Variants in FAM83G observed in about 807,000 individuals in gnomAD.
FAM83G encodes protein FAM83G.
A neutral mutation model predicts 61.5 loss-of-function variants in FAM83G; 38 were observed. The ratio of observed to expected loss-of-function variants is 0.62; its 90% CI spans 0.48 to 0.81. The LOEUF (loss-of-function observed/expected upper bound fraction) is 0.81. FAM83G is among the 30% of genes least tolerant of loss of function. The pLI is 0.00. For missense variants in FAM83G, 989 were observed against 1,133.6 expected, an observed-to-expected ratio of 0.87 and a Z score of 1.83; for synonymous variants, 470 against 476.1, an observed-to-expected ratio of 0.99 and a Z score of 0.17.
intron 2 of FAM83G, among the ~76,000 whole-genome samples, chr17:18,989,038 G>A (rs1436258255): frequency 6.6e-6 from 1 of 152,254 alleles, no homozygotes; most frequent in East Asian, 1.9e-4. Context: ...TGACTGTCAG[G>A]CTTCTCTCAC....
At chr17:18,974,634 A>G (rs923558385) in intron 5 of FAM83G, among the ~76,000 whole-genome samples, 8 of 152,230 alleles carry the variant, frequency 5.3e-5, no homozygotes, top group Admixed American at 4.6e-4. Flanking sequence ...GCTGACTCCA[A>G]TGGCCACACC....
intron 5 of FAM83G, among the ~76,000 whole-genome samples, chr17:18,975,412 G>A (rs547029762): frequency 6.6e-6 from 1 of 152,314 alleles, no homozygotes; most frequent in African/African-American, 2.4e-5. Flanking sequence ...GGAGGCAGCC[G>A]GATGCGGTGG....
In FAM83G at chr17:18,969,541, A is replaced by G; in HGVS notation, c.*1818T>C. On this transcript the variant is annotated 3_prime_UTR_variant, in exon 6 of 6. Coordinates refer to ENST00000388995, the MANE Select transcript of FAM83G (RefSeq NM_001039999.3). ...TGGGGTTCTGGGTAGCATCGCTGGG[A>G]GTGGGTGGGTTCAGGAGGTTGAGCC... The G allele has an allele frequency of 1.0e-6, 1 of 959,018 alleles. No homozygotes were observed. Among genetic ancestry groups the G allele is most frequent in the Non-Finnish European group, 1.6e-6 (1 of 639,036 alleles). The allele number at this position is 959,018 out of a possible 1,614,324, so 59.4% of individuals were successfully genotyped here. A position where few individuals can be genotyped will look rare whatever the true frequency, so the allele number is the denominator to read the frequency against.
rs767087906 is a variant in FAM83G at position 18,969,195 on chromosome 17, G to A, written c.*2164C>T. 38 of 1,604,282 alleles carry A rather than the reference G, an allele frequency of 2.4e-5. No homozygotes were observed. In the Admixed American group the frequency reaches 4.7e-4, roughly 20 times the overall value. On this transcript the variant is annotated 3_prime_UTR_variant, in exon 6 of 6. Coordinates refer to ENST00000388995, the MANE Select transcript of FAM83G (RefSeq NM_001039999.3). ...CAGCAGGGAGGTCCACCCAGGGGAC[G>A]TGTAAAGGGGTCAGAAGGCCACCTC... is the stretch of plus-strand genomic sequence containing the variant.
rs370838338 is a variant in FAM83G, at chr17:18,969,032, A to C, written c.*2327T>G. On this transcript the variant is annotated 3_prime_UTR_variant, in exon 6 of 6. Coordinates refer to ENST00000388995, the MANE Select transcript of FAM83G (RefSeq NM_001039999.3). ...AGCCCTGGGAATAACAGTCCCACAC[A>C]AGGCTCTCTCCCTCCGCAGCTGGAC... 9.5e-5 allele frequency: 152 copies of C among 1,605,624 alleles called. No individual in the cohort carries two copies. In the African/African-American group the frequency reaches 1.8e-3, roughly 19 times the overall value.
intron 2 of FAM83G, among the ~76,000 whole-genome samples, chr17:18,992,623 G>C (rs540101872): frequency 1.3e-5 from 2 of 152,340 alleles, no homozygotes; most frequent in African/African-American, 4.8e-5. Context: ...CAAGGGTGGA[G>C]CGGGCGGAGT....
chr17:18,977,099 C>A, intron 5 of FAM83G: 1 of 1,472,716 alleles, frequency 6.8e-7, no homozygotes, highest in South Asian at 1.3e-5. Context: ...GTGAACTGTT[C>A]CCCAACCTGG....
At position 19,003,669 on chromosome 17, in the gene FAM83G, C is replaced by T; in HGVS notation, c.373G>A (p.Asp125Asn). ...AGGTCCAGCTGCGGGATGGAGCGGTCCGACTTCTGGGGCCAGTACTCCAGG... is the reference window on the plus strand; with the variant it reads ...AGGTCCAGCTGCGGGATGGAGCGGTTCGACTTCTGGGGCCAGTACTCCAGG... ...PSLEYWPQKS[D>N]RSIPQLDLGW... is the part of the protein sequence containing the mutation. The change falls in exon 2 of 6, where the codon GAC (aspartate) becomes AAC (asparagine). Residue 125 changes from aspartate to asparagine, a missense_variant. This residue lies in a region of FAM83G where 371 missense variants were observed against 404.5 expected (regional missense o/e 0.92). Transcript: ENST00000388995. The surrounding 1 kb of genome is among the most constrained non-coding windows in gnomAD (Gnocchi z 4.5). The T allele has an allele frequency of 6.2e-7, 1 of 1,611,676 alleles. No homozygotes were observed. The highest frequency in any genetic ancestry group is 8.5e-7 in the Non-Finnish European group (1 of 1,179,282).
At chr17:18,992,361 C>T (rs1428457328) in intron 2 of FAM83G, among the ~76,000 whole-genome samples, 1 of 152,192 alleles carries the variant, frequency 6.6e-6, no homozygotes, top group East Asian at 1.9e-4. Context: ...ATGGGGATCC[C>T]CAGTGCCCTG....
At position 18,971,418 on chromosome 17, in the gene FAM83G, A is replaced by T; in HGVS notation, c.2413T>A (p.Trp805Arg). Reference protein sequence around the residue: ...HLKARTGGSQWASSDSKRRAQ... With the variant: ...HLKARTGGSQRASSDSKRRAQ... ...CTCCGTTTAGAATCCGATGAGGCCC[A>T]CTGGCTACCGCCCGTCCTGGCCTTT... is the stretch of plus-strand genomic sequence containing the variant. The change falls in exon 6 of 6, where the codon TGG becomes AGG. Residue 805 changes from tryptophan (W) to arginine (R), a missense_variant. Coordinates refer to ENST00000388995, the MANE Select transcript of FAM83G (RefSeq NM_001039999.3). The surrounding 1 kb of genome is among the most constrained non-coding windows in gnomAD (Gnocchi z 5.5). 1 of 1,613,800 alleles carries T rather than the reference A, an allele frequency of 6.2e-7. No homozygotes were observed. Among genetic ancestry groups the T allele is most frequent in the Non-Finnish European group, 8.5e-7 (1 of 1,180,006 alleles).
intron 3 of FAM83G, among the ~76,000 whole-genome samples, chr17:18,983,807 C>A (rs568697591): frequency 2.7e-4 from 41 of 152,300 alleles, no homozygotes; most frequent in African/African-American, 9.9e-4. Flanking sequence ...AAGTATGTGA[C>A]GGCATGTAGG....
At chr17:18,975,889 T>C (rs2042963716) in intron 5 of FAM83G, 1 of 151,890 alleles carries the variant, frequency 6.6e-6, no homozygotes, top group South Asian at 2.1e-4. Context: ...TAAAGCTGTT[T>C]AAAAAGTAAC....
At chr17:18,989,582 T>C (rs758400050) in intron 2 of FAM83G, among the ~76,000 whole-genome samples, 13 of 152,186 alleles carry the variant, frequency 8.5e-5, no homozygotes, top group Non-Finnish European at 1.8e-4. Flanking sequence ...CTCATCAGTA[T>C]AGCATGCTCC....
Position 18,970,388 on chromosome 17 carries a change from G to A in FAM83G, c.*971C>T, listed in dbSNP as rs893873002. ...AGATGGGCCAGGGCTTGGCCATGCC[G>A]GGCCCTGACCCCGAGGTAGACAGGA... On this transcript the variant is annotated 3_prime_UTR_variant, in exon 6 of 6. Coordinates refer to ENST00000388995, the MANE Select transcript of FAM83G (RefSeq NM_001039999.3). 1.9e-5 allele frequency: 3 copies of A among 155,370 alleles called. No homozygotes were observed. Among genetic ancestry groups the A allele is most frequent in the East Asian group, 1.9e-4 (1 of 5,230 alleles). 9.6% of individuals were successfully genotyped at this position (155,370 alleles called of 1,614,324 possible). A position where few individuals can be genotyped will look rare whatever the true frequency, so the allele number is the denominator to read the frequency against.
chr17:18,974,843 G>A (rs751656741), intron 5 of FAM83G, among the ~76,000 whole-genome samples: 6 of 152,288 alleles, frequency 3.9e-5, no homozygotes, highest in African/African-American at 7.2e-5. Context: ...AGGGAAGAGC[G>A]CCTGGCTGGG....
chr17:18,997,949 C>G (rs905671607), intron 2 of FAM83G, among the ~76,000 whole-genome samples: 2 of 152,206 alleles, frequency 1.3e-5, no homozygotes, highest in Non-Finnish European at 2.9e-5. Context: ...TACCATGACA[C>G]TGAGGAGGAA....
Position 19,003,925 on chromosome 17 carries a change from C to A in FAM83G, c.117G>T (p.Val39=), listed in dbSNP as rs754790448. 3 of 1,612,958 alleles carry A rather than the reference C, an allele frequency of 1.9e-6. No individual in the cohort carries two copies. In the South Asian group the frequency reaches 3.3e-5, roughly 18 times the overall value. Residue 39 remains valine (V), a synonymous_variant, in exon 2 of 6, where the codon GTG becomes GTT. Coordinates refer to ENST00000388995, the MANE Select transcript of FAM83G (RefSeq NM_001039999.3). This position sits in a 1 kb window ranked among gnomAD's most constrained non-coding sequence, Gnocchi z 4.5. ...EEQRLALEAL[V]ARGRDAFYEV... is the part of the protein sequence containing the mutation. ...CGTAGAAGGCGTCCCGGCCGCGGGC[C>A]ACCAGGGCCTCCAGCGCCAGCCGCT...
intron 5 of FAM83G, among the ~76,000 whole-genome samples, chr17:18,975,360 C>T (rs1336040857): frequency 6.6e-6 from 1 of 152,146 alleles, no homozygotes; most frequent in East Asian, 1.9e-4. Context: ...TGCTGGGAGC[C>T]GTCCGTTAAA....
chr17:18,992,448 AAGG>A (rs140086250), intron 2 of FAM83G, among the ~76,000 whole-genome samples: 64 of 152,310 alleles, frequency 4.2e-4, no homozygotes, highest in Admixed American at 7.8e-4. Flanking sequence ...ATCTCACACA[AAGG>A]AGAACCCCAC....
Sources: allele counts gnomAD v4.1 joint callset (sites outside exome capture counted in the v4.1 genomes callset), GRCh38; gene constraint gnomAD v4.1.1; regional missense constraint gnomAD v4.1.1; non-coding constraint Gnocchi (gnomAD v3.1); transcripts MANE v1.5; gene names NCBI Gene and HGNC (gene_info 2026-07-23, HGNC 2026-07-21).